Variants in NEBL observed in about 807,000 individuals in gnomAD.
NEBL encodes nebulette.
A neutral mutation model predicts 140.2 loss-of-function variants in NEBL; 122 were observed. The observed-to-expected ratio is 0.87, with a 90% CI of 0.75 to 1.01. NEBL has a LOEUF of 1.01. Ranked by LOEUF, NEBL falls within the 50% of genes least tolerant of loss-of-function variation. The probability of loss-of-function intolerance (pLI) is 0.00; values close to 1 mark genes in which losing one functional copy is unlikely to be tolerated. For synonymous variants in NEBL, 436 were observed against 398.9 expected (o/e 1.09, Z -1.11); for missense variants, 1,365 against 1,231.3 (o/e 1.11, Z -1.62).
intron 1 of NEBL, among the ~76,000 whole-genome samples, chr10:21,271,647 T>G (rs566827913): frequency 1.3e-4 from 19 of 151,116 alleles, no homozygotes; most frequent in Non-Finnish European, 2.5e-4. Context: ...TGCCTCAACC[T>G]CCTGAGCAGC....
intron 1 of NEBL, among the ~76,000 whole-genome samples, chr10:21,254,568 C>T (rs368114780): frequency 6.6e-6 from 1 of 152,174 alleles, no homozygotes; most frequent in East Asian, 1.9e-4. Flanking sequence ...CTCAGCCTCC[C>T]AAGTTGCTGG....
At chr10:21,211,906 C>A (rs1314112442) in intron 3 of NEBL, among the ~76,000 whole-genome samples, 1 of 152,112 alleles carries the variant, frequency 6.6e-6, no homozygotes, top group East Asian at 1.9e-4. Flanking sequence ...AGAAATCTTT[C>A]ATAAATGACC....
chr10:21,084,238 T>G (rs567624153), intron 2 of NEBL, among the ~76,000 whole-genome samples: 1 of 152,318 alleles, frequency 6.6e-6, no homozygotes, highest in South Asian at 2.1e-4. Flanking sequence ...AGTGTGTGGT[T>G]TATGCGTTGA....
rs1227624518 is a variant in NEBL, at chr10:20,801,843, G to A, written c.2761+6667C>T. Among the ~76,000 whole-genome samples the A allele has an allele frequency of 3.3e-5, 5 of 152,122 alleles. No individual in the cohort carries two copies. The South Asian group carries it at 6.2e-4, about 19-fold the overall frequency. On this transcript the variant is annotated intron_variant, in intron 26 of 27. Transcript: ENST00000377122. ...TACGTATTACATGGGATGAAACGCCGGAAGCATAGCCTGGCTAGGGTGGGT... is the reference window on the plus strand; with the variant it reads ...TACGTATTACATGGGATGAAACGCCAGAAGCATAGCCTGGCTAGGGTGGGT...
intron 5 of NEBL, among the ~76,000 whole-genome samples, chr10:20,873,632 A>G (rs1007078609): frequency 1.3e-5 from 2 of 152,120 alleles, no homozygotes; most frequent in Non-Finnish European, 2.9e-5. Flanking sequence ...TCACTCCCTC[A>G]CTCATACATT....
intron 2 of NEBL, among the ~76,000 whole-genome samples, chr10:21,132,176 C>T (rs1279019107): frequency 6.6e-6 from 1 of 152,142 alleles, no homozygotes; most frequent in Non-Finnish European, 1.5e-5. Context: ...AACTGCTAAC[C>T]TACTTTCTGT....
chr10:20,913,831 C>A (rs529563695), intron 4 of NEBL, among the ~76,000 whole-genome samples: 18 of 152,112 alleles, frequency 1.2e-4, no homozygotes, highest in Non-Finnish European at 2.5e-4. Context: ...ATATATGAGA[C>A]AATGAATATT....
At chr10:21,060,339 T>C (rs950102554) in intron 2 of NEBL, among the ~76,000 whole-genome samples, 3 of 152,218 alleles carry the variant, frequency 2.0e-5, no homozygotes, top group East Asian at 1.9e-4. Context: ...GGTTTCATTT[T>C]CAGCTAATGG....
intron 2 of NEBL, among the ~76,000 whole-genome samples, chr10:21,024,509 C>CAA (rs35574671): frequency 0.097 from 11,265 of 116,416 alleles, 519 homozygotes; most frequent in Middle Eastern, 0.16. Flanking sequence ...TAAGATCTTC[C>CAA]AAAAAAAAAA....
intron 2 of NEBL, among the ~76,000 whole-genome samples, chr10:21,106,759 G>A (rs1837737269): frequency 6.6e-6 from 1 of 152,094 alleles, no homozygotes. Context: ...AGTATTGAAT[G>A]TATAAATTAC....
intron 1 of NEBL, among the ~76,000 whole-genome samples, chr10:21,265,766 T>C (rs1242208184): frequency 1.3e-5 from 2 of 152,216 alleles, no homozygotes; most frequent in African/African-American, 4.8e-5. Flanking sequence ...AGGCAGTCTC[T>C]GTCACAACTA....
chr10:20,914,246 T>C (rs1460314036), intron 4 of NEBL, among the ~76,000 whole-genome samples: 2 of 152,150 alleles, frequency 1.3e-5, no homozygotes, highest in East Asian at 3.9e-4. Flanking sequence ...TAAATTCGGG[T>C]GGGTCGCTAT....
At chr10:20,808,447 A>G in intron 26 of NEBL, 63 bp downstream of exon 26, 1 of 1,531,874 alleles carries the variant, frequency 6.5e-7, no homozygotes, top group Non-Finnish European at 9.0e-7. Flanking sequence ...AATTTTAAAG[A>G]CACTCTTGTG....
At chr10:21,286,599 A>C (rs1253418474) in intron 1 of NEBL, among the ~76,000 whole-genome samples, 1 of 152,192 alleles carries the variant, frequency 6.6e-6, no homozygotes, top group Admixed American at 6.5e-5. Context: ...TTGGGAGGCC[A>C]AGGCGGGTGG....
chr10:21,005,497 G>C (rs971281912), intron 3 of NEBL, among the ~76,000 whole-genome samples: 1 of 145,416 alleles, frequency 6.9e-6, no homozygotes, highest in Non-Finnish European at 1.5e-5. Context: ...AAGTTTGCAA[G>C]GTCAAGATGG....
At chr10:21,188,499 T>C (rs1305606352) in intron 3 of NEBL, among the ~76,000 whole-genome samples, 1 of 152,186 alleles carries the variant, frequency 6.6e-6, no homozygotes, top group Non-Finnish European at 1.5e-5. Context: ...TCTCAAAGTT[T>C]AACATGTGTT....
intron 4 of NEBL, among the ~76,000 whole-genome samples, chr10:20,943,790 T>G (rs566869818): frequency 3.9e-5 from 6 of 152,274 alleles, no homozygotes; most frequent in African/African-American, 1.2e-4. Flanking sequence ...GGATCCTACT[T>G]CTCTGTATTC....
intron 1 of NEBL, among the ~76,000 whole-genome samples, chr10:21,252,496 G>A (rs1373628563): frequency 1.3e-5 from 2 of 152,194 alleles, no homozygotes; most frequent in South Asian, 2.1e-4. Context: ...TTTGGATCTT[G>A]TAATTCATGT....
intron 3 of NEBL, among the ~76,000 whole-genome samples, chr10:20,985,527 A>T (rs1837220778): frequency 6.6e-6 from 1 of 152,198 alleles, no homozygotes; most frequent in South Asian, 2.1e-4. Flanking sequence ...GGATCAAAAA[A>T]ACTCATTACC....
Sources: allele counts gnomAD v4.1 joint callset (sites outside exome capture counted in the v4.1 genomes callset), GRCh38; gene constraint gnomAD v4.1.1; transcripts MANE v1.5; gene names NCBI Gene and HGNC (gene_info 2026-07-23, HGNC 2026-07-21).